The following FGF13 variants were observed in gnomAD, a reference collection of about 807,000 sequenced individuals.
FGF13 encodes fibroblast growth factor homologous factor 2.
Under a neutral mutation model 19.5 loss-of-function variants are expected in FGF13, and 2 were observed. The observed-to-expected ratio is 0.10, with a 90% CI of 0.04 to 0.32. The LOEUF (loss-of-function observed/expected upper bound fraction) is 0.32, where lower values mean the gene tolerates loss of function less well. FGF13 is among the 10% of genes least tolerant of loss of function. The pLI is 1.00. For missense variants in FGF13, 113 were observed against 192.7 expected (o/e 0.59, Z 2.45); for synonymous variants, 72 against 76.9 (o/e 0.94, Z 0.33).
chrX:139,029,839 T>C (rs776656260), intron 1 of FGF13, among the ~76,000 whole-genome samples: 12 of 112,029 alleles, frequency 1.1e-4, no homozygotes, highest in African/African-American at 3.9e-4. Flanking sequence ...TCTATGATAC[T>C]GCACAGAATC....
At chrX:138,799,426 T>G (rs2090809472) in intron 3 of FGF13, among the ~76,000 whole-genome samples, 1 of 111,964 alleles carries the variant, frequency 8.9e-6, no homozygotes, top group African/African-American at 3.2e-5. Context: ...TCTGAGAGAC[T>G]GTTTGTTATG....
chrX:139,131,382 GGTGTGTGT>G (rs10541863), intron 1 of FGF13, among the ~76,000 whole-genome samples: 2,959 of 91,344 alleles, frequency 0.032, 59 homozygotes, highest in African/African-American at 0.084. Context: ...AATATAGAGG[GGTGTGTGT>G]GTGTGTGTGT....
intron 1 of FGF13, among the ~76,000 whole-genome samples, chrX:139,184,298 A>G (rs2084263730): frequency 8.9e-6 from 1 of 111,993 alleles, no homozygotes; most frequent in Non-Finnish European, 1.9e-5. Flanking sequence ...AGGAATGCAG[A>G]AAGGGCTTTA....
intron 3 of FGF13, among the ~76,000 whole-genome samples, chrX:138,822,173 G>C (rs1273930181): frequency 8.9e-6 from 1 of 112,099 alleles, no homozygotes; most frequent in African/African-American, 3.2e-5. Flanking sequence ...ATCTCCTCCT[G>C]CAGAAATGAG....
chrX:138,792,926 T>G (rs1465234599), intron 3 of FGF13, among the ~76,000 whole-genome samples: 2 of 111,751 alleles, frequency 1.8e-5, no homozygotes, highest in Non-Finnish European at 3.8e-5. Context: ...AAGGGGTCTT[T>G]GTAGATGTAA....
chrX:138,821,313 C>T (rs1228760671), intron 3 of FGF13, among the ~76,000 whole-genome samples: 1 of 111,960 alleles, frequency 8.9e-6, no homozygotes, highest in African/African-American at 3.2e-5. Flanking sequence ...GACCGAGCAA[C>T]TGAATGTTTA....
intron 1 of FGF13, among the ~76,000 whole-genome samples, chrX:138,958,658 T>A (rs773943297): frequency 8.9e-6 from 1 of 111,892 alleles, no homozygotes; most frequent in African/African-American, 3.3e-5. Flanking sequence ...TCCTGGACTT[T>A]TTTTAGTTGG....
Position 138,894,341 on chromosome X carries a change from C to T in FGF13, c.-112-29691G>A, listed in dbSNP as rs182000881. Among the ~76,000 whole-genome samples, 1,058 of 108,128 alleles carry T rather than the reference C, an allele frequency of 9.8e-3. 12 individuals carry two copies. The highest frequency in any genetic ancestry group is 0.035 in the African/African-American group (1,003 of 28,521). The allele number at this position is 108,128 out of a possible 115,157, so 93.9% of individuals were successfully genotyped here. A position where few individuals can be genotyped will look rare whatever the true frequency, so the allele number is the denominator to read the frequency against. ...CTGAAGGAGATAGAGACACAAAAAACCCTTCAAAAAAAATCAATGAATCAA... is the reference window on the plus strand; with the variant it reads ...CTGAAGGAGATAGAGACACAAAAAATCCTTCAAAAAAAATCAATGAATCAA... On this transcript the variant is annotated intron_variant, in intron 1 of 2. Coordinates refer to the FGF13 transcript ENST00000421460.
chrX:138,918,567 G>A (rs2091629656), intron 1 of FGF13, among the ~76,000 whole-genome samples: 1 of 111,324 alleles, frequency 9.0e-6, no homozygotes, highest in Non-Finnish European at 1.9e-5. Flanking sequence ...TTTGATAAAG[G>A]GTCACTGATC....
rs1416867808 is a variant in FGF13, at chrX:138,984,480, GAGA to G, written c.-112-119833_-112-119831del. 3.2e-3 allele frequency among the ~76,000 whole-genome samples: 243 copies of G among 75,746 alleles called. 3 individuals are homozygous for G. The highest frequency in any genetic ancestry group is 4.0e-3 in the East Asian group (9 of 2,238). 65.8% of individuals were successfully genotyped at this position (75,746 alleles called of 115,157 possible). ...AGAGGAGAAGGAGAAGAAGGAGAAGGAGAAGAAGGAGAAGGAGAAGGAGAAGAA... is the reference window on the plus strand; with the variant it reads ...AGAGGAGAAGGAGAAGAAGGAGAAGGAGAAGGAGAAGGAGAAGGAGAAGAA... On this transcript the variant is annotated intron_variant, in intron 1 of 2. Coordinates refer to the FGF13 transcript ENST00000421460.
upstream of FGF13, chrX:139,204,094 A>T: frequency 1.7e-6 from 2 of 1,210,292 alleles, no homozygotes; most frequent in Non-Finnish European, 2.2e-6. Context: ...GGGCTTGGTC[A>T]CCTTTCCACT....
chrX:138,681,407 AAG>A (rs34988609), intron 3 of FGF13, among the ~76,000 whole-genome samples: 22,710 of 111,290 alleles, frequency 0.2, 1,954 homozygotes, highest in East Asian at 0.47. Context: ...CACAGAATTG[AAG>A]AGAGTTAGAG....
rs141205875 is a variant in FGF13, at chrX:138,892,616, T to C, written c.-112-27966A>G. Among the ~76,000 whole-genome samples, 3 of 110,493 alleles carry C rather than the reference T, an allele frequency of 2.7e-5. No homozygotes were observed. The East Asian group carries it at 8.7e-4, about 32-fold the overall frequency. ...GATGGGGAAACAACTTGAGCTAATATAGAGGTCTGGGAGTGGGAATGAGTA... is the reference window on the plus strand; with the variant it reads ...GATGGGGAAACAACTTGAGCTAATACAGAGGTCTGGGAGTGGGAATGAGTA... On this transcript the variant is annotated intron_variant, in intron 1 of 2. Coordinates refer to the FGF13 transcript ENST00000421460.
chrX:138,732,917 T>C (rs1252304993), intron 1 of FGF13, among the ~76,000 whole-genome samples: 1 of 110,725 alleles, frequency 9.0e-6, no homozygotes, highest in Non-Finnish European at 1.9e-5. Context: ...AAAATGTAGA[T>C]CCTTGGGTTC....
chrX:139,012,030 T>C (rs909412500), intron 1 of FGF13, among the ~76,000 whole-genome samples: 6 of 111,282 alleles, frequency 5.4e-5, no homozygotes, highest in Non-Finnish European at 1.1e-4. Context: ...AATCAGTAGC[T>C]CTGCTATACA....
At chrX:139,175,781 G>A (rs1481128815) in intron 1 of FGF13, among the ~76,000 whole-genome samples, 2 of 111,989 alleles carry the variant, frequency 1.8e-5, no homozygotes, top group African/African-American at 6.5e-5. Context: ...GTTTTTTGAT[G>A]TGCTGCTAGA....
chrX:139,080,483 G>T, intron 1 of FGF13, among the ~76,000 whole-genome samples: 1 of 111,974 alleles, frequency 8.9e-6, no homozygotes, highest in Non-Finnish European at 1.9e-5. Flanking sequence ...CCAAGAAGAG[G>T]TTTGTATACA....
At chrX:138,966,829 A>G (rs2091896905) in intron 1 of FGF13, among the ~76,000 whole-genome samples, 1 of 111,344 alleles carries the variant, frequency 9.0e-6, no homozygotes, top group African/African-American at 3.3e-5. Flanking sequence ...TTCTTCTGTC[A>G]AGGGAGGGAC....
intron 1 of FGF13, among the ~76,000 whole-genome samples, chrX:139,072,746 G>A (rs1046525941): frequency 9.0e-6 from 1 of 111,394 alleles, no homozygotes; most frequent in African/African-American, 3.3e-5. Flanking sequence ...CCTTTGAACT[G>A]AGTATCCAAG....
Sources: gnomAD v4.1 joint callset for allele counts (sites outside exome capture counted in the v4.1 genomes callset) on GRCh38, gnomAD v4.1.1 for gene constraint, MANE v1.5 for transcripts, NCBI Gene and HGNC (gene_info 2026-07-23, HGNC 2026-07-21) for gene names.